CLCN7: variants seen among roughly 807,000 people sequenced by gnomAD.
CLCN7 encodes the protein Cl-/H+ antiporter 7, also known as H(+)/Cl(-) exchange transporter 7.
CLCN7 carries 60 observed loss-of-function variants against 102.1 expected under a neutral mutation model. The ratio of observed to expected loss-of-function variants is 0.59; its 90% CI spans 0.48 to 0.73. CLCN7 has a LOEUF of 0.73. Among genes scored for constraint, CLCN7 ranks in the 30% least tolerant of loss-of-function variants. The pLI is 0.00. For missense variants in CLCN7, 962 were observed against 1,125.7 expected, an observed-to-expected ratio of 0.85 and a Z score of 2.08; for synonymous variants, 560 against 490.5, an observed-to-expected ratio of 1.14 and a Z score of -1.87.
In CLCN7 at chr16:1,448,403, C is replaced by A. The variant is rs761113175; in HGVS notation, c.1965G>T (p.Ala655=). Residue 655 remains alanine (A), a synonymous_variant, in exon 21 of 25, where the codon GCG becomes GCT. Transcript: ENST00000382745. Reference sequence around the variant, plus strand: ...CCACGGGGAAGCCGTTGTGATTGGACGCCGTGTCGCTCAGCACGTCCACAA... The same window carrying A: ...CCACGGGGAAGCCGTTGTGATTGGAAGCCGTGTCGCTCAGCACGTCCACAA... ...GVIVDVLSDT[A]SNHNGFPVVE... 1 of 1,612,730 alleles carries A rather than the reference C, an allele frequency of 6.2e-7. No individual in the cohort carries two copies. Among genetic ancestry groups the A allele is most frequent in the Non-Finnish European group, 8.5e-7 (1 of 1,179,976 alleles).
chr16:1,460,001 CAGGGA>C (rs2038907640), intron 6 of CLCN7, among the ~76,000 whole-genome samples: 1 of 150,148 alleles, frequency 6.7e-6, no homozygotes, highest in East Asian at 1.9e-4. Flanking sequence ...GTCGGGGCCT[CAGGGA>C]AGGGAAGAGC....
chr16:1,474,749 C>T (rs2039127228), intron 1 of CLCN7, 85 bp downstream of exon 1: 4 of 1,133,584 alleles, frequency 3.5e-6, no homozygotes, highest in East Asian at 3.9e-5. Context: ...CCGAGACACG[C>T]GGCGCCGCCA....
rs763753568 is a variant in CLCN7, at chr16:1,453,847, T to C, written c.1201A>G (p.Met401Val). The change falls in exon 14 of 25, where the codon ATG becomes GTG. Residue 401 changes from methionine (M) to valine (V), a missense_variant. Physicochemically the swap from Met to Val is conservative, Grantham distance 21 (BLOSUM62 1). This residue lies in a region of CLCN7 where 799 missense variants were observed against 988.0 expected (regional missense o/e 0.81). Coordinates refer to ENST00000382745, the MANE Select transcript of CLCN7 (RefSeq NM_001287.6). ...VFNALNYWLT[M>V]FRIRYIHRPC... ...GTTTCTCCTCACCTGATTCGAAACA[T>C]GGTCAGCCAGTAGTTCAAGGCATTG... 3 of 1,613,354 alleles carry C rather than the reference T, an allele frequency of 1.9e-6. No homozygotes were observed. In the South Asian group the frequency reaches 3.3e-5, roughly 18 times the overall value.
intron 10 of CLCN7, 32 bp downstream of exon 10, chr16:1,456,081 C>T: frequency 6.7e-7 from 1 of 1,502,556 alleles, no homozygotes; most frequent in East Asian, 2.5e-5. Context: ...AGGGCGAGGG[C>T]AAAGCATTGG....
chr16:1,474,806 T>A (rs1330378313), intron 1 of CLCN7, 28 bp downstream of exon 1: 3 of 1,298,590 alleles, frequency 2.3e-6, no homozygotes, highest in Non-Finnish European at 2.9e-6. Context: ...GGGCTCAGTT[T>A]CCCCGCCTGC....
intron 1 of CLCN7, among the ~76,000 whole-genome samples, chr16:1,473,575 A>T (rs1045555450): frequency 2.0e-5 from 3 of 150,254 alleles, no homozygotes; most frequent in Non-Finnish European, 1.5e-5. Flanking sequence ...GGGTTTCACC[A>T]TATTAGCCAG....
In CLCN7 at chr16:1,457,674, G is replaced by T. The variant is rs757823095; in HGVS notation, c.738+20C>A. On this transcript the variant is annotated intron_variant, in intron 8 of 24. Coordinates refer to ENST00000382745, the MANE Select transcript of CLCN7 (RefSeq NM_001287.6). This position sits in a 1 kb window ranked among gnomAD's most constrained non-coding sequence, Gnocchi z 5.4. ...GGCGGCCTCAGGCTCCAGCTGGAGT[G>T]GCCATGTGCACTTTGTTACCTTTCC... 1 of 1,612,872 alleles carries T rather than the reference G, an allele frequency of 6.2e-7. No individual in the cohort carries two copies. The highest frequency in any genetic ancestry group is 8.5e-7 in the Non-Finnish European group (1 of 1,179,624).
rs375808896 is a variant in CLCN7 at position 1,465,571 on chromosome 16, C to T, written c.142-233G>A. Among the ~76,000 whole-genome samples the T allele has an allele frequency of 3.3e-5, 5 of 152,192 alleles. No homozygotes were observed. The South Asian group carries it at 6.2e-4, about 19-fold the overall frequency. ...CGGCCTGTCAGCGACACGTCCAGCC[C>T]GAGTCCAGGGCGCAAGCTCCCTGCT... is the stretch of plus-strand genomic sequence containing the variant. On this transcript the variant is annotated intron_variant, in intron 1 of 24. Coordinates refer to ENST00000382745, the MANE Select transcript of CLCN7 (RefSeq NM_001287.6).
intron 2 of CLCN7, among the ~76,000 whole-genome samples, chr16:1,465,044 C>G (rs897426605): frequency 6.6e-6 from 1 of 152,188 alleles, no homozygotes; most frequent in African/African-American, 2.4e-5. Context: ...CACTGCTGTC[C>G]TGACCGGCTT....
chr16:1,474,537 C>CGCCACGGCT (rs1315292355), intron 1 of CLCN7, among the ~76,000 whole-genome samples: 1 of 152,220 alleles, frequency 6.6e-6, no homozygotes, highest in Non-Finnish European at 1.5e-5. Flanking sequence ...AATGAACGTG[C>CGCCACGGCT]GCCACGGCTG....
chr16:1,447,319 C>T lies in CLCN7; in HGVS notation c.2250+73G>A, dbSNP rs532411463. On this transcript the variant is annotated intron_variant, in intron 23 of 24. Transcript: ENST00000382745. ...GCTGTGGCCCCCCCCGGCTGCCCCT[C>T]CCCGAGGCTCTGGACCCCACCCCCT... is the stretch of plus-strand genomic sequence containing the variant. 8 of 1,448,366 alleles carry T rather than the reference C, an allele frequency of 5.5e-6. No homozygotes were observed. In the Admixed American group the frequency reaches 1.2e-4, roughly 22 times the overall value. 89.7% of individuals were successfully genotyped at this position (1,448,366 alleles called of 1,614,324 possible).
intron 13 of CLCN7, among the ~76,000 whole-genome samples, 169 bp from the exon 14 acceptor site, chr16:1,454,063 C>G (rs976663317): frequency 6.6e-6 from 1 of 152,252 alleles, no homozygotes; most frequent in Non-Finnish European, 1.5e-5. Flanking sequence ...ACCCTGAGGG[C>G]TGGGGGAGCT....
rs1387280411 is a variant in CLCN7, at chr16:1,450,640, G to C, written c.1474C>G (p.Leu492Val). 1 of 1,612,074 alleles carries C rather than the reference G, an allele frequency of 6.2e-7. No individual in the cohort carries two copies. Among genetic ancestry groups the C allele is most frequent in the African/African-American group, 1.3e-5 (1 of 74,928 alleles). ...PGSYNPLTLGLFTLVYFFLAC... is the reference protein window; with the variant it reads ...PGSYNPLTLGVFTLVYFFLAC... ...AGGAAGAAGTAGACCAGCGTGAACA[G>C]GCCGAGGGTCAGGGGGTTGTAGGAG... Residue 492 changes from leucine (L) to valine (V), a missense_variant, in exon 17 of 25, where the codon CTG (leucine) becomes GTG (valine). Coordinates refer to ENST00000382745, the MANE Select transcript of CLCN7 (RefSeq NM_001287.6).
At position 1,456,165 on chromosome 16, in the gene CLCN7, G is replaced by T. The variant is rs368342297; in HGVS notation, c.864C>A (p.Phe288Leu). The T allele has an allele frequency of 5.1e-6, 8 of 1,568,112 alleles. No individual in the cohort carries two copies. The highest frequency in any genetic ancestry group is 2.7e-5 in the African/African-American group (2 of 73,674). The change falls in exon 10 of 25, where the codon TTC becomes TTA. Residue 288 changes from phenylalanine (F) to leucine (L), a missense_variant. Around this residue, in one of 2 missense-constraint regions of CLCN7, gnomAD observed 799 missense variants for 988.0 expected, o/e 0.81. Transcript: ENST00000382745. Reference protein sequence around the residue: ...YFRRDTEKRDFVSAGAAAGVS... With the variant: ...YFRRDTEKRDLVSAGAAAGVS... ...CTCCGGCCGCAGCCCCTGCGGAGAC[G>T]AAGTCCCGCTTCTCTGTGTCTCTGC...
At position 1,475,007 on chromosome 16, in the gene CLCN7, G is replaced by T. The variant is rs751786007; in HGVS notation, c.-33C>A. The T allele has an allele frequency of 5.6e-6, 8 of 1,428,396 alleles. No homozygotes were observed. In the Admixed American group the frequency reaches 7.2e-5, roughly 13 times the overall value. The allele number at this position is 1,428,396 out of a possible 1,614,324, so 88.5% of individuals were successfully genotyped here. On this transcript the variant is annotated 5_prime_UTR_variant, in exon 1 of 25. Coordinates refer to ENST00000382745, the MANE Select transcript of CLCN7 (RefSeq NM_001287.6). ...CGCGGAGCGACACCGGCCGGGAAGC[G>T]CCGGCTGCCCCCGTGTTTGTTCTCG... is the stretch of plus-strand genomic sequence containing the variant.
chr16:1,455,342 C>A, intron 11 of CLCN7, 92 bp from the exon 12 acceptor site: 1 of 886,780 alleles, frequency 1.1e-6, no homozygotes, highest in East Asian at 2.4e-5. Context: ...CTCCTGTCAG[C>A]CCCGGGGCCA....
In CLCN7 at chr16:1,451,474, G is replaced by A. The variant is rs982430285; in HGVS notation, c.1447+149C>T. 4 of 667,032 alleles carry A rather than the reference G, an allele frequency of 6.0e-6. No homozygotes were observed. The East Asian group carries it at 1.1e-4, about 18-fold the overall frequency. 41.3% of individuals were successfully genotyped at this position (667,032 alleles called of 1,614,324 possible). A position where few individuals can be genotyped will look rare whatever the true frequency, so the allele number is the denominator to read the frequency against. On this transcript the variant is annotated intron_variant, in intron 16 of 24. Coordinates refer to ENST00000382745, the MANE Select transcript of CLCN7 (RefSeq NM_001287.6). ...CTGCCTTGGTCTCTCCAAGTGCTGGGATTACAGGAGTGAGTCCCTGCTATG... is the reference window on the plus strand; with the variant it reads ...CTGCCTTGGTCTCTCCAAGTGCTGGAATTACAGGAGTGAGTCCCTGCTATG...
chr16:1,468,732 C>T (rs1375605465), intron 1 of CLCN7, among the ~76,000 whole-genome samples: 1 of 125,890 alleles, frequency 7.9e-6, no homozygotes, highest in Non-Finnish European at 1.8e-5. Context: ...ATAGCCTGCA[C>T]CCCCTTCCTG....
intron 1 of CLCN7, among the ~76,000 whole-genome samples, chr16:1,472,179 T>C (rs1044870503): frequency 1.3e-5 from 2 of 152,248 alleles, no homozygotes; most frequent in Admixed American, 6.5e-5. Context: ...AAGCAGAGTA[T>C]CCGCTGTTAT....
Sources: allele counts gnomAD v4.1 joint callset (sites outside exome capture counted in the v4.1 genomes callset), GRCh38; gene constraint gnomAD v4.1.1; regional missense constraint gnomAD v4.1.1; non-coding constraint Gnocchi (gnomAD v3.1); transcripts MANE v1.5; gene names NCBI Gene and HGNC (gene_info 2026-07-23, HGNC 2026-07-21).